The following CEP85L variants were observed in gnomAD, a reference collection of about 807,000 sequenced individuals.
The protein encoded by CEP85L is centrosomal protein 85L, also known as centrosomal protein of 85 kDa-like.
In CEP85L, 60 loss-of-function variants were observed where a neutral mutation model predicts 100.3. That is an observed-to-expected ratio of 0.60 (90% confidence interval 0.49 to 0.74). CEP85L has a LOEUF of 0.74. CEP85L is among the 30% of genes least tolerant of loss of function. The pLI is 0.00. For missense variants in CEP85L, 973 were observed against 936.2 expected, an observed-to-expected ratio of 1.04 and a Z score of -0.51; for synonymous variants, 319 against 322.7, an observed-to-expected ratio of 0.99 and a Z score of 0.12.
At chr6:118,673,341 G>A (rs996731042) in intron 1 of CEP85L, among the ~76,000 whole-genome samples, 7 of 152,182 alleles carry the variant, frequency 4.6e-5, no homozygotes, top group Non-Finnish European at 8.8e-5. Context: ...ATATGAATTG[G>A]CACTTGCTGT....
intron 2 of CEP85L, among the ~76,000 whole-genome samples, chr6:118,593,087 T>C (rs1562291724): frequency 6.6e-6 from 1 of 152,206 alleles, no homozygotes; most frequent in East Asian, 1.9e-4. Context: ...TGTAATAAAA[T>C]ACATAAGCAA....
chr6:118,641,081 T>C (rs1442005720), intron 1 of CEP85L, among the ~76,000 whole-genome samples: 1 of 152,262 alleles, frequency 6.6e-6, no homozygotes, highest in East Asian at 1.9e-4. Flanking sequence ...AAATACCACA[T>C]AACAATAATT....
chr6:118,651,775 C>T (rs1465167209), upstream of CEP85L: 5 of 986,244 alleles, frequency 5.1e-6, no homozygotes, highest in South Asian at 4.7e-5. Flanking sequence ...GGCTGTCCCG[C>T]CCTCCCGCCG....
intron 6 of CEP85L, among the ~76,000 whole-genome samples, chr6:118,490,786 TATAAAA>T (rs1292031154): frequency 6.6e-6 from 1 of 152,188 alleles, no homozygotes; most frequent in African/African-American, 2.4e-5. Flanking sequence ...TACATGTAGC[TATAAAA>T]ATAAATCTCA....
intron 5 of CEP85L, among the ~76,000 whole-genome samples, chr6:118,492,253 GTAAA>G (rs1227744594): frequency 4.6e-5 from 7 of 152,008 alleles, no homozygotes; most frequent in Admixed American, 1.3e-4. Flanking sequence ...AAAGTTCTAA[GTAAA>G]TAAATAAAAA....
chr6:118,500,517 T>G (rs1775222493), intron 5 of CEP85L, among the ~76,000 whole-genome samples: 1 of 33,200 alleles, frequency 3.0e-5, no homozygotes, highest in African/African-American at 1.2e-4. Context: ...GACTGATAAT[T>G]ACTCAACAAT....
chr6:118,605,056 T>C (rs1478012933), intron 2 of CEP85L, among the ~76,000 whole-genome samples: 6 of 152,192 alleles, frequency 3.9e-5, no homozygotes, highest in Admixed American at 6.5e-5. Flanking sequence ...AGATTTTTCA[T>C]TGCCAGTTTC....
At chr6:118,465,603 T>G (rs780260392) in intron 12 of CEP85L, 35 bp from the exon 13 acceptor site, 65 of 1,589,724 alleles carry the variant, frequency 4.1e-5, no homozygotes, top group Non-Finnish European at 5.5e-5. Context: ...ATATCTCACA[T>G]TTTTTTGAAC....
rs1775278451 is a variant in CEP85L, at chr6:118,501,207, C to CT, written c.1258-9343dup. On this transcript the variant is annotated intron_variant, in intron 5 of 12. Coordinates refer to ENST00000368491, the MANE Select transcript of CEP85L (RefSeq NM_001042475.3). ...ACATACTCTTTGTAGAGGTGCTTCT[C>CT]TGACTTGTGCTCCTTGCCCATGTCT... Among the ~76,000 whole-genome samples the CT allele has an allele frequency of 2.6e-5, 4 of 152,374 alleles. No homozygotes were observed. In the South Asian group the frequency reaches 8.3e-4, roughly 32 times the overall value.
chr6:118,707,759 G>A (rs1487468257), intron 1 of CEP85L, among the ~76,000 whole-genome samples: 1 of 152,028 alleles, frequency 6.6e-6, no homozygotes, highest in Non-Finnish European at 1.5e-5. Flanking sequence ...AAACTTTTAT[G>A]TATTAAAATA....
At chr6:118,474,091 C>T (rs1007506137) in intron 10 of CEP85L, among the ~76,000 whole-genome samples, 1 of 152,166 alleles carries the variant, frequency 6.6e-6, no homozygotes, top group African/African-American at 2.4e-5. Flanking sequence ...AGGAGCTCCA[C>T]AGACCTACCA....
chr6:118,574,244 T>C (rs964814271), intron 2 of CEP85L, among the ~76,000 whole-genome samples: 5 of 152,194 alleles, frequency 3.3e-5, no homozygotes, highest in African/African-American at 1.2e-4. Flanking sequence ...CCTCCTCTCT[T>C]AGCAAATTGC....
chr6:118,697,262 T>C (rs1777244970), intron 1 of CEP85L, among the ~76,000 whole-genome samples: 1 of 152,302 alleles, frequency 6.6e-6, no homozygotes, highest in Middle Eastern at 3.4e-3. Flanking sequence ...AGCTATTGGA[T>C]TGACAACCAA....
rs1240784055 is a variant in CEP85L, at chr6:118,464,161, C to T, written c.*1244G>A. On this transcript the variant is annotated 3_prime_UTR_variant, in exon 13 of 13. Coordinates refer to ENST00000368491, the MANE Select transcript of CEP85L (RefSeq NM_001042475.3). ...TATATTCAAAAGAACATAATCAATG[C>T]TGAAGGCAATAAAATGTATAATCCT... 2 of 152,158 alleles carry T rather than the reference C, an allele frequency of 1.3e-5. No individual in the cohort carries two copies. Among genetic ancestry groups the T allele is most frequent in the East Asian group, 3.8e-4 (2 of 5,200 alleles). The allele number at this position is 152,158 out of a possible 1,614,324, so 9.4% of individuals were successfully genotyped here.
rs888222517 is a variant in CEP85L, at chr6:118,651,315, G to T, written c.-46C>A. Reference sequence around the variant, plus strand: ...GGGCCAGGGACGCCCGACTCCTCACGTCCGTCCTCCTGCTTCTTCGGCGGC... The same window carrying T: ...GGGCCAGGGACGCCCGACTCCTCACTTCCGTCCTCCTGCTTCTTCGGCGGC... On this transcript the variant is annotated 5_prime_UTR_variant, in exon 1 of 13. Coordinates refer to ENST00000368491, the MANE Select transcript of CEP85L (RefSeq NM_001042475.3). 7.0e-7 allele frequency: 1 copy of T among 1,426,254 alleles called. No individual in the cohort carries two copies. The highest frequency in any genetic ancestry group is 9.2e-7 in the Non-Finnish European group (1 of 1,090,876). The allele number at this position is 1,426,254 out of a possible 1,614,324, so 88.3% of individuals were successfully genotyped here.
chr6:118,601,428 T>C (rs1302583800), intron 2 of CEP85L, among the ~76,000 whole-genome samples: 3 of 152,248 alleles, frequency 2.0e-5, no homozygotes, highest in Non-Finnish European at 2.9e-5. Flanking sequence ...GTGACTGAGT[T>C]TGATAATCTT....
upstream of CEP85L, among the ~76,000 whole-genome samples, chr6:118,653,499 A>C (rs1775665671): frequency 6.6e-6 from 1 of 152,246 alleles, no homozygotes; most frequent in African/African-American, 2.4e-5. Flanking sequence ...TGATATGTAC[A>C]TGGTATGATA....
intron 2 of CEP85L, among the ~76,000 whole-genome samples, chr6:118,609,108 G>T (rs1410039241): frequency 1.3e-5 from 2 of 152,134 alleles, no homozygotes; most frequent in African/African-American, 4.8e-5. Flanking sequence ...TTTAGGAAAA[G>T]AAAGCAAATC....
upstream of CEP85L, chr6:118,651,694 CTGCGGGGGGCGGGG>C: frequency 3.5e-6 from 2 of 567,324 alleles, no homozygotes; most frequent in Non-Finnish European, 4.2e-6. Flanking sequence ...GGGGCGGGGA[CTGCGGGGGGCGGGG>C]ACTGCGGGGG....
Sources: allele counts gnomAD v4.1 joint callset (sites outside exome capture counted in the v4.1 genomes callset), GRCh38; gene constraint gnomAD v4.1.1; transcripts MANE v1.5; gene names NCBI Gene and HGNC (gene_info 2026-07-23, HGNC 2026-07-21).